Variants in GRIN2A observed in about 807,000 individuals in gnomAD.
GRIN2A encodes the protein glutamate receptor ionotropic, NMDA 2A.
A neutral mutation model predicts 113.4 loss-of-function variants in GRIN2A; 22 were observed. The observed-to-expected ratio is 0.19, with a 90% CI of 0.14 to 0.28. The LOEUF is 0.28. GRIN2A is among the 10% of genes least tolerant of loss of function. The probability of loss-of-function intolerance (pLI) is 1.00; values close to 1 mark genes in which losing one functional copy is unlikely to be tolerated. For missense variants in GRIN2A, 1,502 were observed against 1,887.0 expected, an observed-to-expected ratio of 0.80 and a Z score of 3.78; for synonymous variants, 827 against 738.4, an observed-to-expected ratio of 1.12 and a Z score of -1.94.
chr16:10,046,724 T>C (rs1333174429), intron 2 of GRIN2A, among the ~76,000 whole-genome samples: 1 of 152,120 alleles, frequency 6.6e-6, no homozygotes, highest in African/African-American at 2.4e-5. Context: ...CTTTTGAGAT[T>C]GTGTAATGGT....
At position 9,763,053 on chromosome 16, in the gene GRIN2A, C is replaced by T. The variant is rs1900657378; in HGVS notation, c.*96G>A. ...CAAAATACCTCCCTACATCTTCTTC[C>T]TCTTAGCAGGGCACTATTGGACATC... On this transcript the variant is annotated 3_prime_UTR_variant, in exon 13 of 13. Transcript: ENST00000330684. The T allele has an allele frequency of 1.6e-6, 2 of 1,268,986 alleles. No individual in the cohort carries two copies. Among genetic ancestry groups the T allele is most frequent in the East Asian group, 2.3e-5 (1 of 43,112 alleles). The allele number at this position is 1,268,986 out of a possible 1,614,324, so 78.6% of individuals were successfully genotyped here.
intron 2 of GRIN2A, among the ~76,000 whole-genome samples, chr16:10,065,858 C>CT (rs1219291400): frequency 6.6e-6 from 1 of 152,126 alleles, no homozygotes; most frequent in Non-Finnish European, 1.5e-5. Flanking sequence ...AGGGGGGGCG[C>CT]TTAACATGGT....
intron 2 of GRIN2A, among the ~76,000 whole-genome samples, chr16:10,101,211 C>A (rs2048387923): frequency 6.6e-6 from 1 of 152,214 alleles, no homozygotes; most frequent in Non-Finnish European, 1.5e-5. Context: ...CTGAAGCTCT[C>A]CCTTGCACAA....
intron 2 of GRIN2A, among the ~76,000 whole-genome samples, chr16:10,039,157 G>C (rs563234175): frequency 1.3e-5 from 2 of 152,042 alleles, no homozygotes; most frequent in African/African-American, 4.8e-5. Context: ...ACTGATGTCT[G>C]TTGATCAACT....
intron 2 of GRIN2A, among the ~76,000 whole-genome samples, chr16:10,055,913 C>A (rs2047450307): frequency 6.6e-6 from 1 of 152,142 alleles, no homozygotes; most frequent in Admixed American, 6.5e-5. Flanking sequence ...ACTCCCTAAA[C>A]AGCAGGAATT....
At chr16:9,826,773 G>T (rs1166101147) in intron 9 of GRIN2A, among the ~76,000 whole-genome samples, 1 of 152,144 alleles carries the variant, frequency 6.6e-6, no homozygotes, top group Non-Finnish European at 1.5e-5. Context: ...TGAGGATATG[G>T]TATCTGTTAC....
chr16:10,152,716 A>G (rs2142298008), intron 2 of GRIN2A, among the ~76,000 whole-genome samples: 1 of 152,350 alleles, frequency 6.6e-6, no homozygotes, highest in Non-Finnish European at 1.5e-5. Flanking sequence ...GCCATACCCT[A>G]AAAGATGGTA....
intron 10 of GRIN2A, among the ~76,000 whole-genome samples, chr16:9,802,073 T>C (rs1459979333): frequency 6.6e-6 from 1 of 152,128 alleles, no homozygotes; most frequent in Admixed American, 6.5e-5. Flanking sequence ...AAATAACAGA[T>C]GCTGGCAAGG....
At chr16:10,137,336 G>C (rs1400833468) in intron 2 of GRIN2A, among the ~76,000 whole-genome samples, 4 of 152,174 alleles carry the variant, frequency 2.6e-5, no homozygotes, top group African/African-American at 9.7e-5. Flanking sequence ...GAGGAGGCTG[G>C]ATTGAAAGCA....
intron 11 of GRIN2A, among the ~76,000 whole-genome samples, chr16:9,773,081 C>T (rs1901378175): frequency 1.3e-5 from 2 of 152,104 alleles, no homozygotes. Flanking sequence ...TTTTAATTTA[C>T]TCAAGTATAT....
chr16:9,850,075 T>C, intron 4 of GRIN2A, 114 bp from the exon 5 acceptor site: 1 of 818,432 alleles, frequency 1.2e-6, no homozygotes, highest in Non-Finnish European at 2.1e-6. Context: ...TTCTGCCACA[T>C]ATCTCAACAT....
chr16:9,913,852 C>T (rs2044190592), intron 3 of GRIN2A, among the ~76,000 whole-genome samples: 1 of 152,034 alleles, frequency 6.6e-6, no homozygotes. Flanking sequence ...ATGTAGAAGG[C>T]AGATAACGTT....
chr16:9,891,382 C>G (rs2043692145), intron 3 of GRIN2A, among the ~76,000 whole-genome samples: 1 of 152,176 alleles, frequency 6.6e-6, no homozygotes, highest in Non-Finnish European at 1.5e-5. Flanking sequence ...GATCTGAAAA[C>G]ACATTCTATT....
intron 2 of GRIN2A, among the ~76,000 whole-genome samples, chr16:10,011,837 C>G (rs1173567782): frequency 6.6e-6 from 1 of 152,154 alleles, no homozygotes; most frequent in African/African-American, 2.4e-5. Flanking sequence ...CCCTGAGCAC[C>G]TAGTGTCTGT....
intron 2 of GRIN2A, among the ~76,000 whole-genome samples, chr16:9,964,974 T>C (rs951278457): frequency 7.2e-5 from 11 of 152,172 alleles, no homozygotes; most frequent in Non-Finnish European, 1.0e-4. Flanking sequence ...ATATTACTAT[T>C]ATTAAATGTG....
At chr16:9,993,710 C>T (rs2046170507) in intron 2 of GRIN2A, among the ~76,000 whole-genome samples, 1 of 152,064 alleles carries the variant, frequency 6.6e-6, no homozygotes, top group Admixed American at 6.6e-5. Flanking sequence ...GGTGGCTTGC[C>T]CAAAGTCACC....
At chr16:9,865,563 A>C (rs992215081) in intron 4 of GRIN2A, among the ~76,000 whole-genome samples, 1 of 152,226 alleles carries the variant, frequency 6.6e-6, no homozygotes, top group African/African-American at 2.4e-5. Context: ...ACTCACACAA[A>C]TTATAGCCAA....
chr16:9,935,310 A>T lies in GRIN2A; in HGVS notation c.1007+2649T>A, dbSNP rs145406357. ...AATCCTGCCTCTGTAAGAGACTCCCATGTCTCATGCTGATTTATCTGAGTT... is the reference window on the plus strand; with the variant it reads ...AATCCTGCCTCTGTAAGAGACTCCCTTGTCTCATGCTGATTTATCTGAGTT... On this transcript the variant is annotated intron_variant, in intron 3 of 12. Transcript: ENST00000330684. Among the ~76,000 whole-genome samples the T allele has an allele frequency of 3.2e-3, 486 of 152,264 alleles. 4 individuals are homozygous for T. The highest frequency in any genetic ancestry group is 0.011 in the African/African-American group (455 of 41,550).
intron 2 of GRIN2A, among the ~76,000 whole-genome samples, chr16:10,160,270 T>C (rs2049784140): frequency 6.6e-6 from 1 of 152,180 alleles, no homozygotes; most frequent in South Asian, 2.1e-4. Context: ...GCTGGAAGTA[T>C]AGAATGATGA....
Sources: allele counts gnomAD v4.1 joint callset (sites outside exome capture counted in the v4.1 genomes callset), GRCh38; gene constraint gnomAD v4.1.1; transcripts MANE v1.5; gene names NCBI Gene and HGNC (gene_info 2026-07-23, HGNC 2026-07-21).